Variants in CIB1 observed in about 807,000 individuals in gnomAD.
CIB1 encodes the protein calcium and integrin binding 1.
A neutral mutation model predicts 25.0 loss-of-function variants in CIB1; 19 were observed. The ratio of observed to expected loss-of-function variants is 0.76; its 90% CI spans 0.53 to 1.12. The LOEUF is 1.12. Among genes scored for constraint, CIB1 ranks in the 50% most tolerant of loss-of-function variants. The pLI is 0.00. For missense variants in CIB1, 236 were observed against 242.6 expected (o/e 0.97, Z 0.18); for synonymous variants, 104 against 98.5 (o/e 1.06, Z -0.33).
the CIB1 span, chr15:90,265,383 G>A: frequency 8.0e-7 from 1 of 1,246,412 alleles, no homozygotes; most frequent in South Asian, 1.8e-5. Flanking sequence ...TGCCCACCGA[G>A]GTGGCGGAGA....
At chr15:90,254,161 C>G in the CIB1 span, among the ~76,000 whole-genome samples, 3 of 149,830 alleles carry the variant, frequency 2.0e-5, no homozygotes, top group Non-Finnish European at 4.4e-5. Flanking sequence ...CCACTACACT[C>G]CAGCCTGTGT....
intron 6 of CIB1, 97 bp from the exon 7 acceptor site, chr15:90,230,602 C>G (rs1003482517): frequency 3.8e-6 from 5 of 1,322,576 alleles, no homozygotes; most frequent in Non-Finnish European, 5.3e-6. Context: ...TTCTTTGGAA[C>G]GGGCTATGTT....
the CIB1 span, among the ~76,000 whole-genome samples, chr15:90,254,924 G>A: frequency 1.3e-5 from 2 of 152,204 alleles, no homozygotes; most frequent in African/African-American, 2.4e-5. Flanking sequence ...AACAGACTCC[G>A]TGTTAAGTGC....
chr15:90,256,577 C>CTT, the CIB1 span, among the ~76,000 whole-genome samples: 2 of 56,864 alleles, frequency 3.5e-5, no homozygotes, highest in East Asian at 8.4e-4. Context: ...TTCTTTCTTT[C>CTT]TTTCTTTCTT....
chr15:90,258,405 C>A, the CIB1 span: 1 of 777,726 alleles, frequency 1.3e-6, no homozygotes, highest in Non-Finnish European at 2.1e-6. Flanking sequence ...CAGGAATGAG[C>A]AGAAGGCATA....
In CIB1 at chr15:90,232,265, C is replaced by T. The variant is rs201700406; in HGVS notation, c.149G>A (p.Arg50Gln). 73 of 1,612,634 alleles carry T rather than the reference C, an allele frequency of 4.5e-5. No individual in the cohort carries two copies. The African/African-American group carries it at 6.5e-4, about 14-fold the overall frequency. ...QEQRSVESSLRAQVPFEQILS... is the reference protein window; with the variant it reads ...QEQRSVESSLQAQVPFEQILS... ...AATCTGCTCGAAGGGCACTTGTGCCCGAAGTGACGACTCCACGCTCCGCTG... is the reference window on the plus strand; with the variant it reads ...AATCTGCTCGAAGGGCACTTGTGCCTGAAGTGACGACTCCACGCTCCGCTG... The change falls in exon 3 of 7, where the codon CGG becomes CAG. Residue 50 changes from arginine (R) to glutamine (Q), a missense_variant. Coordinates refer to ENST00000328649, the MANE Select transcript of CIB1 (RefSeq NM_006384.4).
the CIB1 span, chr15:90,255,875 C>T: frequency 6.2e-7 from 1 of 1,614,192 alleles, no homozygotes. Context: ...CACCTGGTGC[C>T]TCCCCGCAGA....
At chr15:90,257,643 G>C in the CIB1 span, 1 of 1,614,182 alleles carries the variant, frequency 6.2e-7, no homozygotes, top group Non-Finnish European at 8.5e-7. Flanking sequence ...ACAGGACAAT[G>C]TCTGCATGCA....
At chr15:90,258,285 T>TC in the CIB1 span, 3 of 1,612,432 alleles carry the variant, frequency 1.9e-6, no homozygotes, top group Admixed American at 5.0e-5. Context: ...GATTATCTCC[T>TC]AGGCTTTGCA....
the CIB1 span, among the ~76,000 whole-genome samples, chr15:90,254,188 G>GTT: frequency 4.8e-5 from 5 of 104,000 alleles, no homozygotes; most frequent in South Asian, 3.2e-4. Flanking sequence ...GTGAGACCCT[G>GTT]TTTTTTTTTT....
At chr15:90,264,735 G>C in the CIB1 span, 1 of 1,536,070 alleles carries the variant, frequency 6.5e-7, no homozygotes, top group Non-Finnish European at 8.7e-7. Context: ...CAAGCCAGCA[G>C]AAGGCTAGAA....
the CIB1 span, among the ~76,000 whole-genome samples, chr15:90,247,785 G>T: frequency 2.0e-5 from 3 of 151,014 alleles, no homozygotes; most frequent in Non-Finnish European, 2.9e-5. Context: ...GCCCAGGCTG[G>T]AGTGCAGTGG....
At chr15:90,238,948 A>G (rs1205062762), upstream of CIB1, among the ~76,000 whole-genome samples, 2 of 152,188 alleles carry the variant, frequency 1.3e-5, no homozygotes, top group African/African-American at 4.8e-5. Context: ...AAAACAAAAT[A>G]AAACCAAAAC....
chr15:90,263,578 G>A, the CIB1 span: 1 of 568,424 alleles, frequency 1.8e-6, no homozygotes, highest in Non-Finnish European at 3.1e-6. Context: ...CCCTGGGCTG[G>A]TAGCAAACCT....
At chr15:90,233,754 C>G (rs1429141337) in intron 1 of CIB1, 51 bp from the exon 2 acceptor site, 1 of 1,553,876 alleles carries the variant, frequency 6.4e-7, no homozygotes, top group South Asian at 1.2e-5. Context: ...GAGGCCGCGG[C>G]CGCCCCGCAG....
At chr15:90,235,340 C>T (rs150584853), upstream of CIB1, among the ~76,000 whole-genome samples, 106 of 152,156 alleles carry the variant, frequency 7.0e-4, no homozygotes, top group Admixed American at 1.2e-3. Flanking sequence ...CTGAAGCAGG[C>T]GGATCATTTG....
intron 2 of CIB1, among the ~76,000 whole-genome samples, chr15:90,233,114 G>A (rs1225783868): frequency 1.3e-5 from 2 of 152,172 alleles, no homozygotes; most frequent in Non-Finnish European, 2.9e-5. Flanking sequence ...CGGCAAAAGG[G>A]CTTCCAGCCC....
At chr15:90,231,275 C>G (rs564545691) in intron 4 of CIB1, 62 bp from the exon 5 acceptor site, 1 of 1,607,784 alleles carries the variant, frequency 6.2e-7, no homozygotes, top group Admixed American at 1.7e-5. Context: ...GTTCCCCAAA[C>G]GGCGCCCATT....
the CIB1 span, chr15:90,241,244 C>A: frequency 6.2e-7 from 1 of 1,614,158 alleles, no homozygotes; most frequent in Admixed American, 1.7e-5. Flanking sequence ...CGCAGACCAT[C>A]AAGAGTGTGA....
Sources: allele counts gnomAD v4.1 joint callset (sites outside exome capture counted in the v4.1 genomes callset), GRCh38; gene constraint gnomAD v4.1.1; transcripts MANE v1.5; gene names NCBI Gene and HGNC (gene_info 2026-07-23, HGNC 2026-07-21).